Variants in PCDH11X observed in about 807,000 individuals in gnomAD.
PCDH11X encodes protocadherin-11 X-linked.
Under a neutral mutation model 53.3 loss-of-function variants are expected in PCDH11X, and 18 were observed. That is an observed-to-expected ratio of 0.34 (90% CI 0.23 to 0.50). The LOEUF is 0.50. Ranked by LOEUF, PCDH11X falls within the 20% of genes least tolerant of loss-of-function variation. The pLI is 0.98. For missense variants in PCDH11X, 570 were observed against 1,032.4 expected (o/e 0.55, Z 6.14); for synonymous variants, 279 against 393.3 (o/e 0.71, Z 3.44).
At chrX:91,841,799 T>C (rs1173865879) in intron 5 of PCDH11X, among the ~76,000 whole-genome samples, 1 of 99,869 alleles carries the variant, frequency 1.0e-5, no homozygotes, top group African/African-American at 3.6e-5. Context: ...ATATTGATTA[T>C]ATAACAACAC....
chrX:92,536,100 A>AT (rs979431244), intron 10 of PCDH11X, among the ~76,000 whole-genome samples: 8 of 105,466 alleles, frequency 7.6e-5, no homozygotes, highest in Middle Eastern at 4.8e-3. Context: ...TCTTTTTTCT[A>AT]TTTTTTTCTC....
At chrX:91,972,266 A>T (rs2061972480) in intron 6 of PCDH11X, among the ~76,000 whole-genome samples, 1 of 98,890 alleles carries the variant, frequency 1.0e-5, no homozygotes, top group South Asian at 5.3e-4. Flanking sequence ...GTGTCTGTTC[A>T]TGTCCTTCGC....
At chrX:91,834,156 A>C (rs1369098196) in intron 4 of PCDH11X, among the ~76,000 whole-genome samples, 1 of 111,266 alleles carries the variant, frequency 9.0e-6, no homozygotes, top group Non-Finnish European at 1.9e-5. Context: ...TACAAATACT[A>C]TCCAGAAGAA....
chrX:92,266,391 T>A (rs996363270), intron 8 of PCDH11X, among the ~76,000 whole-genome samples: 1 of 112,044 alleles, frequency 8.9e-6, no homozygotes, highest in African/African-American at 3.2e-5. Flanking sequence ...AGATGAATTC[T>A]TTATCTTTTA....
At chrX:92,371,840 G>A (rs1294457031) in intron 8 of PCDH11X, among the ~76,000 whole-genome samples, 2 of 110,681 alleles carry the variant, frequency 1.8e-5, no homozygotes, top group African/African-American at 6.6e-5. Flanking sequence ...GTACTTTTGG[G>A]TAATAAGGGT....
At chrX:92,434,485 G>A (rs1462245812) in intron 9 of PCDH11X, among the ~76,000 whole-genome samples, 1 of 110,149 alleles carries the variant, frequency 9.1e-6, no homozygotes, top group African/African-American at 3.3e-5. Context: ...TTTTAAAAAC[G>A]TATATTCACT....
At chrX:91,810,855 C>T (rs1046061573) in intron 3 of PCDH11X, among the ~76,000 whole-genome samples, 1 of 111,568 alleles carries the variant, frequency 9.0e-6, no homozygotes, top group Non-Finnish European at 1.9e-5. Context: ...TCTATCCTGT[C>T]TACTGTTTGA....
At chrX:92,184,632 G>T (rs1342750799) in intron 6 of PCDH11X, among the ~76,000 whole-genome samples, 1 of 111,732 alleles carries the variant, frequency 8.9e-6, no homozygotes, top group Non-Finnish European at 1.9e-5. Flanking sequence ...CATAAAAACA[G>T]ATACATAAAC....
At chrX:92,547,567 C>T (rs1356028680) in intron 10 of PCDH11X, among the ~76,000 whole-genome samples, 1 of 109,584 alleles carries the variant, frequency 9.1e-6, no homozygotes, top group Admixed American at 9.8e-5. Context: ...TTCTTACCTC[C>T]TTAACATTTT....
Position 92,133,230 on chromosome X carries a change from T to C in PCDH11X, c.3034-68145T>C, listed in dbSNP as rs183987360. ...CCTTTATGAATCGTGAATGATAATT[T>C]ATATTTTGCTATTATCAAGTCTGAA... On this transcript the variant is annotated intron_variant, in intron 6 of 10. Transcript: ENST00000682573. Among the ~76,000 whole-genome samples, 219 of 112,085 alleles carry C rather than the reference T, an allele frequency of 2.0e-3. 3 individuals are homozygous for C. The highest frequency in any genetic ancestry group is 6.7e-3 in the African/African-American group (206 of 30,888).
intron 10 of PCDH11X, among the ~76,000 whole-genome samples, chrX:92,575,978 GTATATA>G (rs1173562560): frequency 2.2e-3 from 41 of 18,447 alleles, no homozygotes; most frequent in Admixed American, 2.9e-3. Context: ...CACCTGGGGT[GTATATA>G]TATATATATA....
At chrX:92,522,538 C>T (rs1202646643) in intron 10 of PCDH11X, among the ~76,000 whole-genome samples, 1 of 110,838 alleles carries the variant, frequency 9.0e-6, no homozygotes, top group Non-Finnish European at 1.9e-5. Flanking sequence ...AGTAAGCACA[C>T]GCTGTTAGAA....
chrX:92,592,587 A>G (rs1441269469), intron 10 of PCDH11X, among the ~76,000 whole-genome samples: 2 of 109,531 alleles, frequency 1.8e-5, no homozygotes, highest in Admixed American at 9.8e-5. Flanking sequence ...AAAAATTAGC[A>G]GGGCTTTGTG....
At chrX:92,320,010 G>A (rs1430234645) in intron 8 of PCDH11X, among the ~76,000 whole-genome samples, 1 of 110,752 alleles carries the variant, frequency 9.0e-6, no homozygotes, top group African/African-American at 3.3e-5. Context: ...TGTATGTTCA[G>A]TAAGTTAATT....
intron 6 of PCDH11X, among the ~76,000 whole-genome samples, chrX:92,117,436 CA>C (rs10628988): frequency 1.3e-3 from 124 of 94,972 alleles, no homozygotes; most frequent in Non-Finnish European, 1.3e-3. Flanking sequence ...AACTCTGTCT[CA>C]AAAAAAAAAA....
At chrX:92,412,930 A>G (rs1413077936) in intron 9 of PCDH11X, among the ~76,000 whole-genome samples, 2 of 107,825 alleles carry the variant, frequency 1.9e-5, no homozygotes, top group Non-Finnish European at 3.8e-5. Context: ...AGATAGGTCT[A>G]TTTCTCCTAA....
chrX:91,939,196 A>G (rs1188228776), intron 6 of PCDH11X, among the ~76,000 whole-genome samples: 1 of 111,439 alleles, frequency 9.0e-6, no homozygotes, highest in Non-Finnish European at 1.9e-5. Context: ...GCCAAAATGT[A>G]TGAGAGGTAA....
chrX:91,972,598 T>C (rs1269824445), intron 6 of PCDH11X, among the ~76,000 whole-genome samples: 1 of 107,782 alleles, frequency 9.3e-6, no homozygotes, highest in Non-Finnish European at 1.9e-5. Context: ...CGTTTAAGTC[T>C]TTAATCCATC....
chrX:91,801,176 C>T (rs2563585), intron 1 of PCDH11X, among the ~76,000 whole-genome samples: 12,516 of 71,498 alleles, frequency 0.18, 2,069 homozygotes, highest in African/African-American at 0.41. Context: ...CAAGACCCTG[C>T]CTCAAAAAAA....
Sources: gnomAD v4.1 joint callset for allele counts (sites outside exome capture counted in the v4.1 genomes callset) on GRCh38, gnomAD v4.1.1 for gene constraint, MANE v1.5 for transcripts, NCBI Gene and HGNC (gene_info 2026-07-23, HGNC 2026-07-21) for gene names.